Variants in NIF3L1 observed in about 807,000 individuals in gnomAD.
The protein encoded by NIF3L1 is NGG1 interacting factor 3 like 1.
Under a neutral mutation model 35.0 loss-of-function variants are expected in NIF3L1, and 26 were observed. The observed-to-expected ratio is 0.74, with a 90% CI of 0.54 to 1.03. The LOEUF is 1.03. Ranked by LOEUF, NIF3L1 falls within the 50% of genes least tolerant of loss-of-function variation. The pLI is 0.00. For missense variants in NIF3L1, 449 were observed against 466.3 expected, an observed-to-expected ratio of 0.96 and a Z score of 0.34; for synonymous variants, 157 against 178.9, an observed-to-expected ratio of 0.88 and a Z score of 0.98.
At position 200,892,008 on chromosome 2, in the gene NIF3L1, A is replaced by G. The variant is rs748912388; in HGVS notation, c.65A>G (p.Asn22Ser). ...TVRFVDSLIC[N>S]SSRSFMDLKA... ...CGGTTTGTAGATTCCCTGATCTGCA[A>G]TTCTTCCCGTTCCTTCATGGATTTG... is the stretch of plus-strand genomic sequence containing the variant. The change falls in exon 2 of 7, where the codon AAT becomes AGT. Residue 22 changes from asparagine to serine, a missense_variant. Coordinates refer to ENST00000409020, the MANE Select transcript of NIF3L1 (RefSeq NM_001369441.2). The G allele has an allele frequency of 1.8e-5, 29 of 1,614,122 alleles. No homozygotes were observed. The highest frequency in any genetic ancestry group is 4.4e-5 in the South Asian group (4 of 91,076).
chr2:200,893,456 T>C lies in NIF3L1; in HGVS notation c.599+48T>C, dbSNP rs781279478. On this transcript the variant is annotated intron_variant, in intron 3 of 6. Coordinates refer to ENST00000409020, the MANE Select transcript of NIF3L1 (RefSeq NM_001369441.2). The stretch of plus-strand genomic sequence containing the variant: ...TTTTGTGTGTATTTATTGGTAAGCA[T>C]CTTCCTTACAAAGTCTATAACCCTG... 3 of 1,573,790 alleles carry C rather than the reference T, an allele frequency of 1.9e-6. No individual in the cohort carries two copies. In the African/African-American group the frequency reaches 4.1e-5, roughly 21 times the overall value.
At chr2:200,893,938 G>T (rs1471014743) in intron 3 of NIF3L1, among the ~76,000 whole-genome samples, 1 of 152,238 alleles carries the variant, frequency 6.6e-6, no homozygotes, top group Middle Eastern at 3.4e-3. Context: ...ACTTTGGGAG[G>T]CCAAGGCTGG....
intron 4 of NIF3L1, among the ~76,000 whole-genome samples, chr2:200,896,361 A>T (rs528470021): frequency 8.5e-5 from 13 of 152,226 alleles, no homozygotes; most frequent in African/African-American, 2.9e-4. Flanking sequence ...CTCTGTGTTT[A>T]GAATGCCTTT....
At chr2:200,894,213 C>T (rs1480950629) in intron 3 of NIF3L1, among the ~76,000 whole-genome samples, 2 of 151,566 alleles carry the variant, frequency 1.3e-5, no homozygotes, top group Admixed American at 1.3e-4. Flanking sequence ...GTATTCACCT[C>T]AGACCTTATA....
intron 5 of NIF3L1, among the ~76,000 whole-genome samples, chr2:200,898,173 A>C (rs1385840042): frequency 1.1e-5 from 1 of 92,358 alleles, no homozygotes; most frequent in African/African-American, 6.2e-5. Flanking sequence ...CAGAGAGATA[A>C]GTAACTTTAT....
intron 3 of NIF3L1, among the ~76,000 whole-genome samples, chr2:200,894,776 A>G (rs377032043): frequency 6.8e-6 from 1 of 147,384 alleles, no homozygotes; most frequent in East Asian, 2.0e-4. Context: ...GGGTCCTGCT[A>G]TGTTGCCCAG....
At chr2:200,893,633 T>C (rs1037076220) in intron 3 of NIF3L1, among the ~76,000 whole-genome samples, 2 of 152,204 alleles carry the variant, frequency 1.3e-5, no homozygotes, top group South Asian at 2.1e-4. Context: ...CAGGGGACTA[T>C]ACTATGCATT....
rs143988806 is a variant in NIF3L1, at chr2:200,898,029, C to T, written c.865+815C>T. On this transcript the variant is annotated intron_variant, in intron 5 of 6. Transcript: ENST00000409020. ...TCTGTAAAAACTGCATTAATAAAACCTAACTCAGAAGGTGGTAGTATAATC... is the reference window on the plus strand; with the variant it reads ...TCTGTAAAAACTGCATTAATAAAACTTAACTCAGAAGGTGGTAGTATAATC... Among the ~76,000 whole-genome samples the T allele has an allele frequency of 1.9e-3, 284 of 152,288 alleles. 1 individual carries two copies. The highest frequency in any genetic ancestry group is 6.4e-3 in the African/African-American group (267 of 41,554).
intron 1 of NIF3L1, chr2:200,890,500 T>C (rs188723017): frequency 7.2e-5 from 11 of 152,336 alleles, no homozygotes; most frequent in East Asian, 3.9e-4. Flanking sequence ...AATTGACTTA[T>C]GGATATTTCA....
intron 2 of NIF3L1, 99 bp from the exon 3 acceptor site, chr2:200,893,147 A>G (rs917884083): frequency 2.2e-6 from 2 of 903,726 alleles, no homozygotes; most frequent in Non-Finnish European, 3.3e-6. Flanking sequence ...GAATCTTTTT[A>G]AAAAGTCATT....
intron 6 of NIF3L1, among the ~76,000 whole-genome samples, chr2:200,902,813 G>A (rs2040430237): frequency 6.6e-6 from 1 of 152,118 alleles, no homozygotes. Context: ...ATTTCCTCCA[G>A]AGGTATTTAT....
intron 3 of NIF3L1, among the ~76,000 whole-genome samples, chr2:200,894,712 T>TC (rs2040268454): frequency 1.4e-5 from 2 of 138,586 alleles, no homozygotes; most frequent in African/African-American, 2.8e-5. Flanking sequence ...CTGGCCTTCT[T>TC]TTTTTTTTTT....
chr2:200,895,252 T>A lies in NIF3L1; in HGVS notation c.600-12T>A, dbSNP rs780317811. The A allele has an allele frequency of 9.3e-6, 15 of 1,612,158 alleles. No homozygotes were observed. Among genetic ancestry groups the A allele is most frequent in the Admixed American group, 3.3e-5 (2 of 59,832 alleles). ...TATATTTGTCCTAAATGGAGTGATTTTTCCCCCCTAGGACTGGTAATGAGG... is the reference window on the plus strand; with the variant it reads ...TATATTTGTCCTAAATGGAGTGATTATTCCCCCCTAGGACTGGTAATGAGG... On this transcript the variant is annotated splice_polypyrimidine_tract_variant and intron_variant, in intron 3 of 6. Coordinates refer to ENST00000409020, the MANE Select transcript of NIF3L1 (RefSeq NM_001369441.2).
intron 1 of NIF3L1, among the ~76,000 whole-genome samples, chr2:200,889,898 A>G (rs1320098424): frequency 6.6e-6 from 1 of 152,108 alleles, no homozygotes; most frequent in African/African-American, 2.4e-5. Flanking sequence ...CCGCCATACT[A>G]TGTTGCCTTC....
At chr2:200,900,533 A>G (rs1351042597) in intron 6 of NIF3L1, among the ~76,000 whole-genome samples, 2 of 151,782 alleles carry the variant, frequency 1.3e-5, no homozygotes, top group East Asian at 3.9e-4. Flanking sequence ...TATATAGCAC[A>G]CTCTCTTACA....
intron 5 of NIF3L1, 151 bp from the exon 6 acceptor site, chr2:200,899,234 T>G (rs903739222): frequency 1.7e-5 from 8 of 478,952 alleles, no homozygotes; most frequent in African/African-American, 3.9e-5. Flanking sequence ...TTAAAACATG[T>G]TTTTTTTAAA....
intron 2 of NIF3L1, 67 bp downstream of exon 2, chr2:200,892,446 A>G: frequency 7.6e-7 from 1 of 1,322,004 alleles, no homozygotes; most frequent in Non-Finnish European, 1.0e-6. Context: ...ATGTCTTTCC[A>G]GTAAAGTTTT....
chr2:200,895,943 G>A (rs1424205409), intron 4 of NIF3L1, among the ~76,000 whole-genome samples: 1 of 149,990 alleles, frequency 6.7e-6, no homozygotes, highest in African/African-American at 2.5e-5. Context: ...TTCAAATTCA[G>A]TATATCCAAA....
chr2:200,892,519 G>A (rs1325251151), intron 2 of NIF3L1, 140 bp downstream of exon 2: 1 of 641,400 alleles, frequency 1.6e-6, no homozygotes, highest in Non-Finnish European at 2.5e-6. Flanking sequence ...AAATAATGTT[G>A]CTGAAATTTG....
Sources: gnomAD v4.1 joint callset for allele counts (sites outside exome capture counted in the v4.1 genomes callset) on GRCh38, gnomAD v4.1.1 for gene constraint, MANE v1.5 for transcripts, NCBI Gene and HGNC (gene_info 2026-07-23, HGNC 2026-07-21) for gene names.